RPS6KC1: variants seen among roughly 807,000 people sequenced by gnomAD.
RPS6KC1 encodes the protein ribosomal protein S6 kinase C1.
A neutral mutation model predicts 103.8 loss-of-function variants in RPS6KC1; 54 were observed. The ratio of observed to expected loss-of-function variants is 0.52; its 90% CI spans 0.42 to 0.65. The LOEUF (loss-of-function observed/expected upper bound fraction) is 0.65. Among genes scored for constraint, RPS6KC1 ranks in the 30% least tolerant of loss-of-function variants. The probability of loss-of-function intolerance (pLI) is 0.00; values close to 1 mark genes in which losing one functional copy is unlikely to be tolerated. For synonymous variants in RPS6KC1, 439 were observed against 438.7 expected, an observed-to-expected ratio of 1.00 and a Z score of -0.01; for missense variants, 1,151 against 1,253.8, an observed-to-expected ratio of 0.92 and a Z score of 1.24.
chr1:213,408,645 T>TA, the RPS6KC1 span, among the ~76,000 whole-genome samples: 25 of 152,346 alleles, frequency 1.6e-4, no homozygotes, highest in East Asian at 3.7e-3. Context: ...ATTTCAGACT[T>TA]ACCTGCCCTA....
the RPS6KC1 span, among the ~76,000 whole-genome samples, chr1:213,687,144 T>C: frequency 6.6e-6 from 1 of 152,228 alleles, no homozygotes; most frequent in Admixed American, 6.5e-5. Context: ...TTGTGACCTG[T>C]ATCTTGTGCC....
At position 213,241,696 on chromosome 1, in the gene RPS6KC1, A is replaced by G; in HGVS notation, c.2220A>G (p.Gln740=). ...DVLCLRLSTE[Q]CQAHEEKGIE... ...TATGCCTCAGGCTTAGTACTGAACA[A>G]TGCCAAGCACATGAGGAGAAAGGCA... is the stretch of plus-strand genomic sequence containing the variant. Residue 740 remains glutamine, a synonymous_variant, in exon 11 of 15, where the codon CAA becomes CAG. Coordinates refer to ENST00000366960, the MANE Select transcript of RPS6KC1 (RefSeq NM_012424.6). 6.2e-7 allele frequency: 1 copy of G among 1,613,960 alleles called. No homozygotes were observed. Among genetic ancestry groups the G allele is most frequent in the Non-Finnish European group, 8.5e-7 (1 of 1,179,948 alleles).
the RPS6KC1 span, among the ~76,000 whole-genome samples, chr1:213,612,578 C>T: frequency 5.9e-5 from 9 of 152,234 alleles, no homozygotes; most frequent in Non-Finnish European, 1.3e-4. Flanking sequence ...AAAGTTGCTG[C>T]AAAAACTGTC....
the RPS6KC1 span, chr1:213,839,935 GC>G: frequency 2.0e-5 from 3 of 152,286 alleles, 1 homozygote; most frequent in African/African-American, 7.2e-5. Flanking sequence ...TGTTGTTGTT[GC>G]CATTGTAAAT....
intron 8 of RPS6KC1, among the ~76,000 whole-genome samples, chr1:213,210,888 CATT>C (rs1301595532): frequency 6.6e-6 from 1 of 152,204 alleles, no homozygotes; most frequent in African/African-American, 2.4e-5. Flanking sequence ...TGTCTGTTAT[CATT>C]ATGAGAGAAC....
chr1:213,698,631 A>G, the RPS6KC1 span, among the ~76,000 whole-genome samples: 1 of 152,090 alleles, frequency 6.6e-6, no homozygotes, highest in Non-Finnish European at 1.5e-5. Flanking sequence ...TTTCTCTGGC[A>G]ACCATTTGTG....
At chr1:213,338,020 G>A in the RPS6KC1 span, among the ~76,000 whole-genome samples, 9 of 152,328 alleles carry the variant, frequency 5.9e-5, no homozygotes, top group Middle Eastern at 3.4e-3. Flanking sequence ...ATGGTTGAGA[G>A]TGTATGTGGG....
intron 1 of RPS6KC1, among the ~76,000 whole-genome samples, chr1:213,053,363 A>T (rs1044366810): frequency 6.6e-6 from 1 of 152,222 alleles, no homozygotes; most frequent in African/African-American, 2.4e-5. Flanking sequence ...CAAATAATAG[A>T]TAAAAGAACA....
At chr1:213,545,411 T>TAAATAAATAAATAAATAAATA in the RPS6KC1 span, among the ~76,000 whole-genome samples, 7 of 75,296 alleles carry the variant, frequency 9.3e-5, no homozygotes, top group Admixed American at 1.6e-4. Context: ...AATAAATAAA[T>TAAATAAATAAATAAATAAATA]AAATAAAATA....
At chr1:213,761,204 C>T in the RPS6KC1 span, among the ~76,000 whole-genome samples, 6 of 151,900 alleles carry the variant, frequency 3.9e-5, no homozygotes, top group South Asian at 2.1e-4. Context: ...TGGGTTTTTA[C>T]GCTGTTTGAT....
chr1:213,054,435 C>T (rs570740699), intron 1 of RPS6KC1, among the ~76,000 whole-genome samples: 55 of 152,244 alleles, frequency 3.6e-4, no homozygotes, highest in Admixed American at 1.5e-3. Flanking sequence ...TAAAATATTT[C>T]TTGAGAGTTA....
chr1:213,406,536 C>G, the RPS6KC1 span, among the ~76,000 whole-genome samples: 1 of 152,160 alleles, frequency 6.6e-6, no homozygotes, highest in African/African-American at 2.4e-5. Flanking sequence ...GGTGGAGCTG[C>G]TCGTGTGTAA....
At chr1:213,508,364 A>G in the RPS6KC1 span, among the ~76,000 whole-genome samples, 1 of 152,256 alleles carries the variant, frequency 6.6e-6, no homozygotes, top group African/African-American at 2.4e-5. Context: ...AATAAAAAGC[A>G]TGACATGGAG....
At chr1:213,595,706 A>G in the RPS6KC1 span, among the ~76,000 whole-genome samples, 1 of 152,256 alleles carries the variant, frequency 6.6e-6, no homozygotes, top group African/African-American at 2.4e-5. Context: ...GGATGCCTTT[A>G]CCAGGGGAAT....
chr1:213,482,869 T>C, the RPS6KC1 span, among the ~76,000 whole-genome samples: 2 of 152,008 alleles, frequency 1.3e-5, no homozygotes, highest in Non-Finnish European at 1.5e-5. Context: ...TTGAGATAAG[T>C]GTTATGTCTG....
chr1:213,178,064 A>G (rs369129460), intron 8 of RPS6KC1, among the ~76,000 whole-genome samples: 3 of 151,510 alleles, frequency 2.0e-5, no homozygotes, highest in East Asian at 3.9e-4. Context: ...CTGGGCATGT[A>G]GTCCCAGCTG....
At position 213,059,482 on chromosome 1, in the gene RPS6KC1, T is replaced by A. The variant is rs570552946; in HGVS notation, c.105+7973T>A. On this transcript the variant is annotated intron_variant, in intron 1 of 14. Transcript: ENST00000366960. ...CTCTAGTATAATTTTCACGGTAGAG[T>A]TTTTGTGTATGGGAGGCTGCATGTT... Among the ~76,000 whole-genome samples the A allele has an allele frequency of 3.3e-5, 5 of 151,964 alleles. No individual in the cohort carries two copies. The South Asian group carries it at 1.0e-3, about 32-fold the overall frequency.
chr1:213,602,212 C>T, the RPS6KC1 span, among the ~76,000 whole-genome samples: 1 of 99,340 alleles, frequency 1.0e-5, no homozygotes, highest in African/African-American at 4.4e-5. Context: ...CTCCCTCCCT[C>T]CATTCCTTCT....
the RPS6KC1 span, among the ~76,000 whole-genome samples, chr1:213,808,687 C>T: frequency 3.3e-5 from 5 of 152,238 alleles, no homozygotes; most frequent in Non-Finnish European, 7.3e-5. Context: ...TCTGTCACCC[C>T]TTTCTTTGAC....
Sources: gnomAD v4.1 joint callset for allele counts (sites outside exome capture counted in the v4.1 genomes callset) on GRCh38, gnomAD v4.1.1 for gene constraint, MANE v1.5 for transcripts, NCBI Gene and HGNC (gene_info 2026-07-23, HGNC 2026-07-21) for gene names.